Variants in TMEM217 observed in about 807,000 individuals in gnomAD.
TMEM217 encodes the protein chromosome 6 open reading frame 128.
For missense variants in TMEM217, 204 were observed against 248.8 expected (o/e 0.82, Z 1.21); for synonymous variants, 76 against 88.3 (o/e 0.86, Z 0.78).
At chr6:37,228,910 T>C (rs995261409) in intron 1 of TMEM217, among the ~76,000 whole-genome samples, 30 of 151,460 alleles carry the variant, frequency 2.0e-4, no homozygotes, top group African/African-American at 7.1e-4. Context: ...GGCAGGAGAA[T>C]GGCGTGAACC....
chr6:37,226,312 A>G (rs1331915813), intron 1 of TMEM217, among the ~76,000 whole-genome samples: 1 of 26,444 alleles, frequency 3.8e-5, no homozygotes, highest in Non-Finnish European at 6.9e-5. Flanking sequence ...TTTTTTTTTG[A>G]GACAGAGTCT....
exon 1 of TMEM217, chr6:37,257,911 C>G (rs748350836): frequency 1.2e-6 from 2 of 1,613,476 alleles, no homozygotes; most frequent in Middle Eastern, 1.7e-4. Context: ...TTCCCCCGGC[C>G]AGAGCAATGG....
chr6:37,232,601 C>G (rs532800745), intron 1 of TMEM217, among the ~76,000 whole-genome samples: 3 of 152,146 alleles, frequency 2.0e-5, no homozygotes, highest in Non-Finnish European at 4.4e-5. Flanking sequence ...GGTTAACTTC[C>G]TCTCCCGTTC....
intron 1 of TMEM217, among the ~76,000 whole-genome samples, chr6:37,227,118 A>C (rs1421621416): frequency 6.6e-6 from 1 of 152,198 alleles, no homozygotes; most frequent in Non-Finnish European, 1.5e-5. Flanking sequence ...ACTTGTCTTC[A>C]TACTCAACCT....
chr6:37,248,600 C>T (rs1003632282), intron 1 of TMEM217, among the ~76,000 whole-genome samples: 9 of 152,196 alleles, frequency 5.9e-5, no homozygotes, highest in Non-Finnish European at 1.2e-4. Flanking sequence ...AAGCCTCTTC[C>T]TCTCTTTGAG....
downstream of TMEM217, chr6:37,217,514 A>T (rs554251479): frequency 2.0e-6 from 1 of 489,294 alleles, no homozygotes; most frequent in East Asian, 1.5e-4. Flanking sequence ...CAGTGTTCAC[A>T]CTACAGAGTA....
chr6:37,252,200 T>C (rs1328092363), intron 1 of TMEM217, among the ~76,000 whole-genome samples: 1 of 152,210 alleles, frequency 6.6e-6, no homozygotes, highest in Non-Finnish European at 1.5e-5. Context: ...GCCTGGATTT[T>C]ACATTTTTTA....
intron 1 of TMEM217, among the ~76,000 whole-genome samples, chr6:37,236,450 G>T (rs1012854806): frequency 2.0e-5 from 3 of 152,112 alleles, no homozygotes; most frequent in Non-Finnish European, 4.4e-5. Flanking sequence ...ATCCTGGGGT[G>T]GGAGAGTAAG....
chr6:37,215,994 G>GGT (rs60725183), downstream of TMEM217, among the ~76,000 whole-genome samples: 2,335 of 149,138 alleles, frequency 0.016, 24 homozygotes, highest in African/African-American at 0.023. Flanking sequence ...GGTTCTTCAG[G>GGT]GTGTGTGTGT....
intron 1 of TMEM217, among the ~76,000 whole-genome samples, chr6:37,255,267 A>G (rs1765653557): frequency 6.6e-6 from 1 of 152,190 alleles, no homozygotes; most frequent in Non-Finnish European, 1.5e-5. Flanking sequence ...ATGAGACTGG[A>G]GAGGTGAGTG....
At chr6:37,221,573 C>A (rs922191037) in intron 1 of TMEM217, among the ~76,000 whole-genome samples, 1 of 152,034 alleles carries the variant, frequency 6.6e-6, no homozygotes, top group African/African-American at 2.4e-5. Context: ...TAGAATGTGT[C>A]AGAATTTTCT....
At chr6:37,227,110 T>C (rs1375047890) in intron 1 of TMEM217, among the ~76,000 whole-genome samples, 1 of 152,218 alleles carries the variant, frequency 6.6e-6, no homozygotes, top group Non-Finnish European at 1.5e-5. Flanking sequence ...ACTGACTCAC[T>C]TGTCTTCATA....
intron 1 of TMEM217, among the ~76,000 whole-genome samples, chr6:37,251,011 G>A (rs1583493493): frequency 6.9e-6 from 1 of 144,736 alleles, no homozygotes; most frequent in East Asian, 2.0e-4. Context: ...GCTCCAAAGA[G>A]CTGCCTGACC....
intron 1 of TMEM217, among the ~76,000 whole-genome samples, chr6:37,251,223 C>T (rs73417902): frequency 6.6e-6 from 1 of 152,100 alleles, no homozygotes; most frequent in African/African-American, 2.4e-5. Context: ...GGTAATGTGC[C>T]GACAGGAAAC....
chr6:37,220,630 A>G (rs1400388491), intron 1 of TMEM217, among the ~76,000 whole-genome samples: 1 of 152,068 alleles, frequency 6.6e-6, no homozygotes, highest in African/African-American at 2.4e-5. Flanking sequence ...AAGTCGTCCT[A>G]AACTGAAAGT....
At chr6:37,246,308 C>T (rs1360430825) in intron 1 of TMEM217, among the ~76,000 whole-genome samples, 1 of 149,760 alleles carries the variant, frequency 6.7e-6, no homozygotes, top group East Asian at 1.9e-4. Flanking sequence ...TTCCAGGCTT[C>T]AGTCTGGATT....
chr6:37,249,561 T>A (rs1765285839), intron 1 of TMEM217, among the ~76,000 whole-genome samples: 1 of 152,194 alleles, frequency 6.6e-6, no homozygotes, highest in African/African-American at 2.4e-5. Context: ...CCTCAAGTGA[T>A]CCACCCACCT....
rs1654512570 is a variant in TMEM217 at position 37,232,111 on chromosome 6, A to G, written c.-11-13070T>C. ...GTGTAAGTCTTTTGTTGGGGGGGAG[A>G]GAGGGGTGAAATGGAATTTATTCTT... On this transcript the variant is annotated intron_variant, in intron 1 of 1. Coordinates refer to ENST00000357219, the Ensembl canonical transcript of TMEM217. Among the ~76,000 whole-genome samples, 3 of 151,998 alleles carry G rather than the reference A, an allele frequency of 2.0e-5. No homozygotes were observed. The South Asian group carries it at 6.2e-4, about 32-fold the overall frequency.
At chr6:37,225,023 A>C (rs1225182886) in intron 1 of TMEM217, among the ~76,000 whole-genome samples, 2 of 146,962 alleles carry the variant, frequency 1.4e-5, no homozygotes, top group African/African-American at 2.5e-5. Flanking sequence ...AAAAAAAAAA[A>C]AAACACCACC....
Sources: gnomAD v4.1 joint callset for allele counts (sites outside exome capture counted in the v4.1 genomes callset) on GRCh38, gnomAD v4.1.1 for gene constraint, MANE v1.5 for transcripts, NCBI Gene and HGNC (gene_info 2026-07-23, HGNC 2026-07-21) for gene names.